Variants in DACH1 observed in about 807,000 individuals in gnomAD.
DACH1 encodes the protein dachshund homolog 1.
Under a neutral mutation model 54.2 loss-of-function variants are expected in DACH1, and 12 were observed. The ratio of observed to expected loss-of-function variants is 0.22; its 90% CI spans 0.14 to 0.36. DACH1 has a LOEUF of 0.36. DACH1 is among the 10% of genes least tolerant of loss of function. The probability of loss-of-function intolerance (pLI) is 1.00; values close to 1 mark genes in which losing one functional copy is unlikely to be tolerated. For missense variants in DACH1, 805 were observed against 929.8 expected, an observed-to-expected ratio of 0.87 and a Z score of 1.75; for synonymous variants, 386 against 366.2, an observed-to-expected ratio of 1.05 and a Z score of -0.62.
chr13:71,586,005 G>T (rs1453678271), intron 3 of DACH1, among the ~76,000 whole-genome samples: 2 of 152,142 alleles, frequency 1.3e-5, no homozygotes, highest in Non-Finnish European at 2.9e-5. Context: ...CAATTATGTT[G>T]GGTGAGGACA....
intron 1 of DACH1, among the ~76,000 whole-genome samples, chr13:71,732,726 A>AT (rs1163136387): frequency 6.6e-6 from 1 of 151,864 alleles, no homozygotes; most frequent in Non-Finnish European, 1.5e-5. Flanking sequence ...CCTTTTGTTT[A>AT]TTTTGTGGCT....
At chr13:71,501,328 C>T (rs1263112643) in intron 6 of DACH1, among the ~76,000 whole-genome samples, 1 of 152,008 alleles carries the variant, frequency 6.6e-6, no homozygotes, top group Non-Finnish European at 1.5e-5. Context: ...TATATGAAAA[C>T]AGGTGAAATG....
intron 1 of DACH1, among the ~76,000 whole-genome samples, chr13:71,711,520 G>T (rs940981883): frequency 1.3e-5 from 2 of 152,110 alleles, no homozygotes; most frequent in African/African-American, 4.8e-5. Flanking sequence ...TTATTCAGAA[G>T]TGATCATCAG....
At chr13:71,584,450 C>T (rs1277018654) in intron 3 of DACH1, among the ~76,000 whole-genome samples, 1 of 152,046 alleles carries the variant, frequency 6.6e-6, no homozygotes, top group East Asian at 1.9e-4. Flanking sequence ...TACCAATAAA[C>T]AATAATGGAA....
At chr13:71,664,318 T>G (rs2138660228) in intron 2 of DACH1, among the ~76,000 whole-genome samples, 1 of 152,124 alleles carries the variant, frequency 6.6e-6, no homozygotes, top group African/African-American at 2.4e-5. Flanking sequence ...TGCTATAGGT[T>G]CATTTTTCTA....
chr13:71,675,071 G>C (rs939519472), intron 2 of DACH1: 15 of 1,498,674 alleles, frequency 1.0e-5, no homozygotes, highest in Middle Eastern at 1.8e-4. Context: ...ACCACGGCTC[G>C]TACAAAGCAG....
intron 1 of DACH1, among the ~76,000 whole-genome samples, chr13:71,842,274 G>T (rs538993540): frequency 6.6e-6 from 1 of 152,094 alleles, no homozygotes; most frequent in African/African-American, 2.4e-5. Flanking sequence ...TGGAGAAAAC[G>T]CTTTATAGTG....
chr13:71,573,555 C>A, intron 3 of DACH1: 1 of 599,484 alleles, frequency 1.7e-6, no homozygotes, highest in East Asian at 3.1e-5. Context: ...TTCCTTATCC[C>A]AGGAACCATC....
chr13:71,730,381 C>T (rs904456637), intron 1 of DACH1, among the ~76,000 whole-genome samples: 11 of 152,014 alleles, frequency 7.2e-5, no homozygotes, highest in Non-Finnish European at 1.3e-4. Flanking sequence ...AGATTAAAAG[C>T]TAAGTACAGA....
At chr13:71,605,879 C>T (rs576867142) in intron 3 of DACH1, among the ~76,000 whole-genome samples, 46 of 151,952 alleles carry the variant, frequency 3.0e-4, no homozygotes, top group African/African-American at 9.6e-4. Context: ...GAAGACAAAA[C>T]GCTATGTAAT....
intron 10 of DACH1, among the ~76,000 whole-genome samples, chr13:71,450,606 G>A (rs991063977): frequency 6.6e-6 from 1 of 152,084 alleles, no homozygotes; most frequent in Non-Finnish European, 1.5e-5. Context: ...TGCTAAAAAT[G>A]ATTCAGCTTG....
Position 71,866,095 on chromosome 13 carries a change from G to GC in DACH1, c.674dup (p.His227AlafsTer52). 1 of 1,613,560 alleles carries GC rather than the reference G, an allele frequency of 6.2e-7. No individual in the cohort carries two copies. The highest frequency in any genetic ancestry group is 8.5e-7 in the Non-Finnish European group (1 of 1,179,864). On this transcript the variant is annotated frameshift_variant, in exon 1 of 11. Coordinates refer to ENST00000613252, the MANE Select transcript of DACH1 (RefSeq NM_080759.6). LOFTEE classifies it high-confidence loss of function. ...TCAGCTTGGTGTAGACCGTATGCAAGCCCCCCACCAAGTGCTTCAGGAACA... is the reference window on the plus strand; with the variant it reads ...TCAGCTTGGTGTAGACCGTATGCAAGCCCCCCCACCAAGTGCTTCAGGAACA...
intron 1 of DACH1, among the ~76,000 whole-genome samples, chr13:71,781,084 A>G (rs1393016748): frequency 6.6e-6 from 1 of 152,132 alleles, no homozygotes; most frequent in Non-Finnish European, 1.5e-5. Context: ...GCAGTGAGCT[A>G]TGATAGTGAC....
chr13:71,603,824 C>A (rs963978887), intron 3 of DACH1, among the ~76,000 whole-genome samples: 2 of 151,436 alleles, frequency 1.3e-5, no homozygotes, highest in African/African-American at 4.8e-5. Context: ...TATGTGATAC[C>A]GATATTATGC....
At chr13:71,459,804 C>T (rs1285530397) in intron 10 of DACH1, among the ~76,000 whole-genome samples, 2 of 151,786 alleles carry the variant, frequency 1.3e-5, no homozygotes, top group Non-Finnish European at 2.9e-5. Flanking sequence ...CCTAATATTG[C>T]TAAAATTATA....
At chr13:71,706,394 T>C (rs1882448162) in intron 1 of DACH1, among the ~76,000 whole-genome samples, 1 of 152,044 alleles carries the variant, frequency 6.6e-6, no homozygotes, top group Admixed American at 6.6e-5. Flanking sequence ...GCCTGCTTAA[T>C]TGAAATCCCA....
At chr13:71,848,226 A>AT (rs1451298509) in intron 1 of DACH1, among the ~76,000 whole-genome samples, 1 of 151,886 alleles carries the variant, frequency 6.6e-6, no homozygotes, top group Non-Finnish European at 1.5e-5. Context: ...AAAAAATGGT[A>AT]TTTTTTTACA....
chr13:71,760,446 G>T (rs1885358021), intron 1 of DACH1, among the ~76,000 whole-genome samples: 1 of 152,124 alleles, frequency 6.6e-6, no homozygotes. Context: ...ATTCAAACAA[G>T]GGGGACCTAT....
At chr13:71,687,205 T>A (rs1881212209) in intron 1 of DACH1, among the ~76,000 whole-genome samples, 1 of 152,148 alleles carries the variant, frequency 6.6e-6, no homozygotes, top group African/African-American at 2.4e-5. Context: ...TTTGTAAACT[T>A]TATATATGTA....
Sources: allele counts gnomAD v4.1 joint callset (sites outside exome capture counted in the v4.1 genomes callset), GRCh38; gene constraint gnomAD v4.1.1; transcripts MANE v1.5; gene names NCBI Gene and HGNC (gene_info 2026-07-23, HGNC 2026-07-21).